Variants in CERS2 observed in about 807,000 individuals in gnomAD.
CERS2 encodes the protein ceramide synthase 2.
Under a neutral mutation model 56.6 loss-of-function variants are expected in CERS2, and 20 were observed. The ratio of observed to expected loss-of-function variants is 0.35; its 90% CI spans 0.25 to 0.51. The LOEUF (loss-of-function observed/expected upper bound fraction) is 0.51, where lower values mean the gene tolerates loss of function less well. Among genes scored for constraint, CERS2 ranks in the 20% least tolerant of loss-of-function variants. The probability of loss-of-function intolerance (pLI) is 0.96; values close to 1 mark genes in which losing one functional copy is unlikely to be tolerated. For missense variants in CERS2, 361 were observed against 488.6 expected, an observed-to-expected ratio of 0.74 and a Z score of 2.46; for synonymous variants, 187 against 175.4, an observed-to-expected ratio of 1.07 and a Z score of -0.52.
At position 150,965,257 on chromosome 1, in the gene CERS2, T is replaced by C. The variant is rs953956089; in HGVS notation, c.*891A>G. 2.0e-5 allele frequency: 3 copies of C among 152,664 alleles called. No homozygotes were observed. Among genetic ancestry groups the C allele is most frequent in the African/African-American group, 7.2e-5 (3 of 41,458 alleles). The allele number at this position is 152,664 out of a possible 1,614,324, so 9.5% of individuals were successfully genotyped here. On this transcript the variant is annotated 3_prime_UTR_variant, in exon 11 of 11. Coordinates refer to ENST00000368954, the MANE Select transcript of CERS2 (RefSeq NM_022075.5). ...CCTAATAGTCTGACACTTATTGCCA[T>C]GTTTTATTTAATATTTTTTATTTAA... is the stretch of plus-strand genomic sequence containing the variant.
chr1:150,970,705 A>G (rs1408276835), intron 1 of CERS2, among the ~76,000 whole-genome samples: 1 of 152,068 alleles, frequency 6.6e-6, no homozygotes, highest in Non-Finnish European at 1.5e-5. Context: ...TTTGGTAGAA[A>G]CAGGGTTTTG....
Position 150,965,924 on chromosome 1 carries a change from A to G in CERS2, c.*224T>C. The G allele has an allele frequency of 2.1e-6, 1 of 465,316 alleles. No homozygotes were observed. The highest frequency in any genetic ancestry group is 3.7e-6 in the Non-Finnish European group (1 of 267,368). The allele number at this position is 465,316 out of a possible 1,614,324, so 28.8% of individuals were successfully genotyped here. On this transcript the variant is annotated 3_prime_UTR_variant, in exon 11 of 11. Coordinates refer to ENST00000368954, the MANE Select transcript of CERS2 (RefSeq NM_022075.5). The stretch of plus-strand genomic sequence containing the variant: ...CTTGGCGGGTAGGGAGGAAAATACG[A>G]CCGTCCCCCTCTAACAGAATATAAC...
chr1:150,967,512 A>G (rs753310629), intron 6 of CERS2, 28 bp from the exon 7 acceptor site: 2 of 1,457,400 alleles, frequency 1.4e-6, no homozygotes, highest in African/African-American at 1.4e-5. Context: ...GGTAAGAGCA[A>G]CCAGCCGCAA....
chr1:150,966,997 C>T lies in CERS2; in HGVS notation c.741+77G>A. On this transcript the variant is annotated intron_variant, in intron 8 of 10. Coordinates refer to ENST00000368954, the MANE Select transcript of CERS2 (RefSeq NM_022075.5). ...GGAATGTCATCCTCCAAATTCCCAC[C>T]CCGCACCTCCCTCCCAAAGAAAACC... 1.9e-6 allele frequency: 3 copies of T among 1,566,266 alleles called. 1 individual carries two copies. Among genetic ancestry groups the T allele is most frequent in the Non-Finnish European group, 8.8e-7 (1 of 1,140,042 alleles).
chr1:150,968,339 TCCC>T (rs755047867), intron 3 of CERS2, 53 bp downstream of exon 3: 1 of 1,517,268 alleles, frequency 6.6e-7, no homozygotes, highest in African/African-American at 1.4e-5. Flanking sequence ...TCAAACCCTG[TCCC>T]CCCACCACCA....
intron 4 of CERS2, 27 bp downstream of exon 4, chr1:150,968,056 C>G (rs761913291): frequency 7.5e-6 from 12 of 1,596,112 alleles, no homozygotes; most frequent in Middle Eastern, 1.7e-4. Context: ...TTCCTTGTCA[C>G]CCAGCTTCTG....
At chr1:150,966,936 A>G (rs1486503931) in intron 8 of CERS2, 74 bp from the exon 9 acceptor site, 4 of 1,428,486 alleles carry the variant, frequency 2.8e-6, no homozygotes, top group Non-Finnish European at 3.9e-6. Flanking sequence ...CACTCCAGTT[A>G]GGAGCACTGA....
At chr1:150,969,621 C>T (rs1295622523) in intron 1 of CERS2, among the ~76,000 whole-genome samples, 1 of 150,944 alleles carries the variant, frequency 6.6e-6, no homozygotes, top group Non-Finnish European at 1.5e-5. Context: ...AGACGTGATT[C>T]CCTGGAATTA....
chr1:150,965,989 G>T lies in CERS2; in HGVS notation c.*159C>A. The T allele has an allele frequency of 1.3e-6, 1 of 754,888 alleles. No individual in the cohort carries two copies. The highest frequency in any genetic ancestry group is 2.1e-6 in the Non-Finnish European group (1 of 482,430). 46.8% of individuals were successfully genotyped at this position (754,888 alleles called of 1,614,324 possible). On this transcript the variant is annotated 3_prime_UTR_variant, in exon 11 of 11. Coordinates refer to ENST00000368954, the MANE Select transcript of CERS2 (RefSeq NM_022075.5). ...CTGGGGATAGGCTGGTTAGAATTTGGTTTAAAGGCAACTGGGTGACAAGCA... is the reference window on the plus strand; with the variant it reads ...CTGGGGATAGGCTGGTTAGAATTTGTTTTAAAGGCAACTGGGTGACAAGCA...
At chr1:150,973,055 G>A (rs1043677346) in intron 1 of CERS2, 3 of 152,200 alleles carry the variant, frequency 2.0e-5, no homozygotes, top group Non-Finnish European at 4.4e-5. Context: ...AGGTCCCACC[G>A]GCTCCCTGCT....
Position 150,966,818 on chromosome 1 carries a change from G to A in CERS2, c.786C>T (p.Asn262=). 6.2e-7 allele frequency: 1 copy of A among 1,614,084 alleles called. No individual in the cohort carries two copies. The highest frequency in any genetic ancestry group is 8.5e-7 in the Non-Finnish European group (1 of 1,179,978). Residue 262 remains asparagine (N), a synonymous_variant, in exon 9 of 11, where the codon AAC becomes AAT. Transcript: ENST00000368954. The stretch of plus-strand genomic sequence containing the variant: ...CAATGGCGAAGACGATGAAGATGTT[G>A]TTGCAGGTGTTCTTCCATCCCGCGT... ...FNYAGWKNTC[N]NIFIVFAIVF... is the part of the protein sequence containing the mutation.
In CERS2 at chr1:150,965,390, CCA is replaced by C. The variant is rs1359281354; in HGVS notation, c.*756_*757del. The C allele has an allele frequency of 1.3e-5, 2 of 152,446 alleles. No homozygotes were observed. The highest frequency in any genetic ancestry group is 2.9e-5 in the Non-Finnish European group (2 of 68,018). 9.4% of individuals were successfully genotyped at this position (152,446 alleles called of 1,614,324 possible). A position where few individuals can be genotyped will look rare whatever the true frequency, so the allele number is the denominator to read the frequency against. ...TAATTCTGGCTTTAAAACCAAAACC[CCA>C]AATATTTAATAAATAAAAATTAGAA... On this transcript the variant is annotated 3_prime_UTR_variant, in exon 11 of 11. Coordinates refer to ENST00000368954, the MANE Select transcript of CERS2 (RefSeq NM_022075.5).
chr1:150,972,231 T>C (rs3849279), intron 1 of CERS2, among the ~76,000 whole-genome samples: 66,809 of 152,044 alleles, frequency 0.44, 15,356 homozygotes, highest in African/African-American at 0.55. Flanking sequence ...GCTTTTACAC[T>C]GAGGTTGCAG....
At chr1:150,968,777 G>C (rs1671100614) in intron 2 of CERS2, 141 bp downstream of exon 2, 2 of 805,930 alleles carry the variant, frequency 2.5e-6, no homozygotes, top group East Asian at 4.9e-5. Flanking sequence ...GCCTTCAGGG[G>C]AGGGGGTGCA....
At position 150,967,827 on chromosome 1, in the gene CERS2, A is replaced by G; in HGVS notation, c.461T>C (p.Ile154Thr). The change falls in exon 5 of 11, where the codon ATT (isoleucine) becomes ACT (threonine). Residue 154 changes from isoleucine to threonine, a missense_variant. Coordinates refer to ENST00000368954, the MANE Select transcript of CERS2 (RefSeq NM_022075.5). ...LIAFIAGMAV[I>T]VDKPWFYDMK... ...CCAGTAATCCCCACTCACATCCACA[A>G]TGACGGCCATGCCGGCAATGAAGGC... The G allele has an allele frequency of 2.5e-6, 4 of 1,613,512 alleles. No individual in the cohort carries two copies. The highest frequency in any genetic ancestry group is 3.4e-6 in the Non-Finnish European group (4 of 1,179,446).
At position 150,966,168 on chromosome 1, in the gene CERS2, T is replaced by G. The variant is rs1671007675; in HGVS notation, c.1123A>C (p.Asn375His). ...ATGGTTCAGTCATTCTTACGATGGT[T>G]GTTATTGAGGATGGGGTGGCCATTG... ...LANGHPILNNNHRKND is the reference protein window; with the variant it reads ...LANGHPILNNHHRKND The change falls in exon 11 of 11, where the codon AAC (asparagine) becomes CAC (histidine). Residue 375 changes from asparagine to histidine, a missense_variant. Physicochemically the swap from Asn to His is moderately conservative, Grantham distance 68 (BLOSUM62 1). Coordinates refer to ENST00000368954, the MANE Select transcript of CERS2 (RefSeq NM_022075.5). 3 of 1,608,874 alleles carry G rather than the reference T, an allele frequency of 1.9e-6. No homozygotes were observed. Among genetic ancestry groups the G allele is most frequent in the East Asian group, 2.2e-5 (1 of 44,864 alleles).
At position 150,967,663 on chromosome 1, in the gene CERS2, C is replaced by A. The variant is rs776132025; in HGVS notation, c.519+1G>T. 6.2e-7 allele frequency: 1 copy of A among 1,612,326 alleles called. No homozygotes were observed. The highest frequency in any genetic ancestry group is 8.5e-7 in the Non-Finnish European group (1 of 1,178,336). On this transcript the variant is annotated splice_donor_variant, in intron 6 of 10. Coordinates refer to ENST00000368954, the MANE Select transcript of CERS2 (RefSeq NM_022075.5). LOFTEE classifies it high-confidence loss of function. ...CCCACATGAGGAAGCAGAACTCATA[C>A]CTGTATGGGATATCCCTCCCAAACT...
chr1:150,973,269 T>C (rs1671226687), intron 1 of CERS2: 1 of 152,306 alleles, frequency 6.6e-6, no homozygotes, highest in African/African-American at 2.4e-5. Flanking sequence ...CTCAGCCTCA[T>C]CTGGCCTACA....
intron 1 of CERS2, chr1:150,973,783 G>A (rs1359783662): frequency 6.6e-6 from 1 of 152,260 alleles, no homozygotes; most frequent in Non-Finnish European, 1.5e-5. Flanking sequence ...ACGATCCTCA[G>A]AACCCCCTGA....
Sources: gnomAD v4.1 joint callset for allele counts (sites outside exome capture counted in the v4.1 genomes callset) on GRCh38, gnomAD v4.1.1 for gene constraint, MANE v1.5 for transcripts, NCBI Gene and HGNC (gene_info 2026-07-23, HGNC 2026-07-21) for gene names.